MYCBP2: variants seen among roughly 807,000 people sequenced by gnomAD.
MYCBP2 encodes MYC binding protein 2.
Under a neutral mutation model 525.3 loss-of-function variants are expected in MYCBP2, and 120 were observed. That is an observed-to-expected ratio of 0.23 (90% CI 0.20 to 0.27). The LOEUF is 0.27. MYCBP2 is among the 10% of genes least tolerant of loss of function. MYCBP2 has a pLI of 1.00. For missense variants in MYCBP2, 4,149 were observed against 5,657.1 expected, an observed-to-expected ratio of 0.73 and a Z score of 8.55; for synonymous variants, 1,894 against 1,955.8, an observed-to-expected ratio of 0.97 and a Z score of 0.83.
At chr13:77,160,430 T>C (rs1437401196) in intron 44 of MYCBP2, among the ~76,000 whole-genome samples, 1 of 152,206 alleles carries the variant, frequency 6.6e-6, no homozygotes, top group Admixed American at 6.5e-5. Flanking sequence ...TTGACAAAGA[T>C]GAAATAAATG....
chr13:77,318,007 A>ATAACAT (rs1555483777), intron 1 of MYCBP2, among the ~76,000 whole-genome samples: 5 of 148,408 alleles, frequency 3.4e-5, no homozygotes, highest in South Asian at 2.1e-4. Flanking sequence ...ATAACATAAC[A>ATAACAT]GTGGGTCCCT....
At chr13:77,302,773 T>C (rs1206496149) in intron 1 of MYCBP2, among the ~76,000 whole-genome samples, 2 of 152,162 alleles carry the variant, frequency 1.3e-5, no homozygotes, top group African/African-American at 4.8e-5. Context: ...TATTTTAATA[T>C]TTGACAAAGT....
intron 49 of MYCBP2, among the ~76,000 whole-genome samples, chr13:77,142,288 A>G (rs1424121702): frequency 1.3e-5 from 2 of 152,206 alleles, no homozygotes; most frequent in African/African-American, 2.4e-5. Context: ...AACACTTGAC[A>G]GGAATTGTCT....
intron 79 of MYCBP2, among the ~76,000 whole-genome samples, chr13:77,056,570 A>C (rs2038114583): frequency 6.6e-6 from 1 of 152,228 alleles, no homozygotes; most frequent in Non-Finnish European, 1.5e-5. Flanking sequence ...AAGCTCTAAA[A>C]GAATCTGTTC....
At chr13:77,184,466 T>A (rs1214371576) in intron 32 of MYCBP2, among the ~76,000 whole-genome samples, 1 of 152,244 alleles carries the variant, frequency 6.6e-6, no homozygotes, top group Non-Finnish European at 1.5e-5. Flanking sequence ...TTGAAAAGAA[T>A]ATGTATTTTG....
intron 65 of MYCBP2, 133 bp from the exon 66 acceptor site, chr13:77,079,022 C>G: frequency 1.5e-6 from 1 of 664,948 alleles, no homozygotes; most frequent in Non-Finnish European, 2.6e-6. Context: ...TGACCCCACC[C>G]CATCCCTCCA....
At chr13:77,224,614 T>G in intron 19 of MYCBP2, 82 bp from the exon 20 acceptor site, 1 of 809,084 alleles carries the variant, frequency 1.2e-6, no homozygotes, top group South Asian at 1.9e-5. Flanking sequence ...GCAGTGTAAT[T>G]TTCACTATTT....
At chr13:77,281,306 T>C (rs886066576) in intron 3 of MYCBP2, among the ~76,000 whole-genome samples, 17 of 152,306 alleles carry the variant, frequency 1.1e-4, no homozygotes, top group African/African-American at 3.6e-4. Flanking sequence ...TTTTGGTTAA[T>C]GGTATTTCAA....
At chr13:77,118,411 G>C (rs781626189) in intron 55 of MYCBP2, 3 of 764,606 alleles carry the variant, frequency 3.9e-6, no homozygotes, top group East Asian at 4.9e-5. Flanking sequence ...GGAAGAGGGA[G>C]GTTTTGCAGC....
intron 1 of MYCBP2, among the ~76,000 whole-genome samples, chr13:77,314,940 T>C (rs1184684531): frequency 6.6e-6 from 1 of 152,112 alleles, no homozygotes; most frequent in Non-Finnish European, 1.5e-5. Flanking sequence ...AAATATTTTT[T>C]TTAAAAAAGG....
In MYCBP2 at chr13:77,177,950, T is replaced by A. The variant is rs781228692; in HGVS notation, c.5138A>T (p.Asp1713Val). The change falls in exon 35 of 83, where the codon GAT (aspartate) becomes GTT (valine). Residue 1713 changes from aspartate (D) to valine (V), a missense_variant. Around this residue, in one of 21 missense-constraint regions of MYCBP2, gnomAD observed 54 missense variants for 117.0 expected, o/e 0.46. Coordinates refer to ENST00000544440, the MANE Select transcript of MYCBP2 (RefSeq NM_015057.5). ...TACAGAGTGAAGAGAATTAAGTCCA[T>A]CAACCTGTGAACAATAAAAGCAATT... is the stretch of plus-strand genomic sequence containing the variant. Reference protein sequence around the residue: ...LTASALGSEVDGLNSLHSVKA... With the variant: ...LTASALGSEVVGLNSLHSVKA... The A allele has an allele frequency of 6.3e-7, 1 of 1,597,828 alleles. No individual in the cohort carries two copies. Among genetic ancestry groups the A allele is most frequent in the Admixed American group, 1.7e-5 (1 of 59,996 alleles).
intron 48 of MYCBP2, among the ~76,000 whole-genome samples, chr13:77,145,820 T>G (rs902330449): frequency 6.6e-6 from 1 of 151,786 alleles, no homozygotes; most frequent in Admixed American, 6.6e-5. Flanking sequence ...CACAATTCAT[T>G]GGAAGGAGAA....
intron 36 of MYCBP2, among the ~76,000 whole-genome samples, chr13:77,175,977 T>G (rs1254161375): frequency 6.8e-6 from 1 of 146,042 alleles, no homozygotes; most frequent in Non-Finnish European, 1.5e-5. Flanking sequence ...ATAATAATAA[T>G]TAAAAAAAAA....
rs778624509 is a variant in MYCBP2 at position 77,083,081 on chromosome 13, G to A, written c.10987C>T (p.Leu3663Phe). 5 of 1,613,404 alleles carry A rather than the reference G, an allele frequency of 3.1e-6. No individual in the cohort carries two copies. The highest frequency in any genetic ancestry group is 1.3e-5 in the African/African-American group (1 of 74,840). ...FHRLLQTISD[L>F]MMSLPSGSSL... is the part of the protein sequence containing the mutation. ...CTGCCGCTGGGGAGAGACATCATAA[G>A]GTCTGAGATGGTCTGCAGCAAGCGG... The change falls in exon 63 of 83, where the codon CTT becomes TTT. Residue 3663 changes from leucine (L) to phenylalanine (F), a missense_variant. Physicochemically the swap from Leu to Phe is conservative, Grantham distance 22. Coordinates refer to ENST00000544440, the MANE Select transcript of MYCBP2 (RefSeq NM_015057.5).
intron 50 of MYCBP2, among the ~76,000 whole-genome samples, chr13:77,140,452 T>C (rs2054438895): frequency 6.6e-6 from 1 of 152,258 alleles, no homozygotes; most frequent in South Asian, 2.1e-4. Flanking sequence ...ACCATTTCTT[T>C]CTGTTAGAAA....
chr13:77,077,523 T>G, intron 66 of MYCBP2, 136 bp from the exon 67 acceptor site: 1 of 1,038,470 alleles, frequency 9.6e-7, no homozygotes, highest in Non-Finnish European at 1.4e-6. Flanking sequence ...TATTTCACAC[T>G]GATTTTCTTA....
intron 17 of MYCBP2, among the ~76,000 whole-genome samples, chr13:77,238,264 A>G (rs922592101): frequency 1.5e-4 from 22 of 151,358 alleles, no homozygotes; most frequent in Admixed American, 3.3e-4. Context: ...AAAAAAAAAA[A>G]AAAGAAATAT....
Position 77,243,136 on chromosome 13 carries a change from A to G in MYCBP2, c.2552T>C (p.Ile851Thr), listed in dbSNP as rs780472789. 6.2e-6 allele frequency: 10 copies of G among 1,614,064 alleles called. No individual in the cohort carries two copies. Among genetic ancestry groups the G allele is most frequent in the South Asian group, 5.5e-5 (5 of 91,082 alleles). ...TTGTCGTAACTGAAGGTGTTCTTCA[A>G]TGTTAACCCCGGGCACTGGGACAGC... The part of the protein sequence containing the change: ...LLAVPVPGVN[I>T]EEHLQLRQEE... Residue 851 changes from isoleucine to threonine, a missense_variant, in exon 17 of 83, where the codon ATT (isoleucine) becomes ACT (threonine). This residue lies in a region of MYCBP2 where 620 missense variants were observed against 795.5 expected (regional missense o/e 0.78). Transcript: ENST00000544440.
chr13:77,232,317 AT>A lies in MYCBP2; in HGVS notation c.2737+838del, dbSNP rs1471013509. ...CTATTTTGCAGGACCTATCTTAGGCATTTAAGAAAATGGGAGTTTTAAGTTG... is the reference window on the plus strand; with the variant it reads ...CTATTTTGCAGGACCTATCTTAGGCATTAAGAAAATGGGAGTTTTAAGTTG... On this transcript the variant is annotated intron_variant, in intron 18 of 82. Coordinates refer to ENST00000544440, the MANE Select transcript of MYCBP2 (RefSeq NM_015057.5). Among the ~76,000 whole-genome samples, 36 of 152,206 alleles carry A rather than the reference AT, an allele frequency of 2.4e-4. 1 individual carries two copies. Among genetic ancestry groups the A allele is most frequent in the Non-Finnish European group, 1.5e-5 (1 of 68,026 alleles).
Sources: allele counts gnomAD v4.1 joint callset (sites outside exome capture counted in the v4.1 genomes callset), GRCh38; gene constraint gnomAD v4.1.1; regional missense constraint gnomAD v4.1.1; transcripts MANE v1.5; gene names NCBI Gene and HGNC (gene_info 2026-07-23, HGNC 2026-07-21).